ADAMTS9: variants seen among roughly 807,000 people sequenced by gnomAD.
ADAMTS9 encodes A disintegrin and metalloproteinase with thrombospondin motifs 9.
ADAMTS9 carries 107 observed loss-of-function variants against 257.1 expected under a neutral mutation model. The observed-to-expected ratio is 0.42, with a 90% confidence interval of 0.36 to 0.49. ADAMTS9 has a LOEUF of 0.49. Ranked by LOEUF, ADAMTS9 falls within the 20% of genes least tolerant of loss-of-function variation. The pLI, the probability that ADAMTS9 is intolerant of heterozygous loss-of-function variation, is 0.03. For synonymous variants in ADAMTS9, 982 were observed against 880.9 expected (o/e 1.11, Z -2.03); for missense variants, 2,353 against 2,469.1 (o/e 0.95, Z 1.00).
At position 64,686,856 on chromosome 3, in the gene ADAMTS9, A is replaced by C. The variant is rs1425902592; in HGVS notation, c.228T>G (p.Ile76Met). The change falls in exon 2 of 40, where the codon ATT (isoleucine) becomes ATG (methionine). Residue 76 changes from isoleucine (I) to methionine (M), a missense_variant. Ile to Met is a conservative substitution (Grantham distance 10, BLOSUM62 1). This residue lies in a region of ADAMTS9 where 591 missense variants were observed against 569.6 expected (regional missense o/e 1.04). Transcript: ENST00000498707. The surrounding 1 kb of genome is among the most constrained non-coding windows in gnomAD (Gnocchi z 4.6). ...NVHFKRTRRS[I>M]NSATDPWPAF... ...CAGGCCAGGGGTCAGTGGCAGAGTT[A>C]ATGCTCCGTCGCGTTCTTTTGAAGT... 1 of 1,614,046 alleles carries C rather than the reference A, an allele frequency of 6.2e-7. No homozygotes were observed. Among genetic ancestry groups the C allele is most frequent in the Admixed American group, 1.7e-5 (1 of 60,000 alleles).
chr3:64,678,405 T>C (rs1576187569), intron 3 of ADAMTS9, among the ~76,000 whole-genome samples: 1 of 152,340 alleles, frequency 6.6e-6, no homozygotes, highest in South Asian at 2.1e-4. Context: ...AACCCAACTT[T>C]AGCAGTGACT....
intron 3 of ADAMTS9, among the ~76,000 whole-genome samples, chr3:64,660,890 G>A (rs1701204997): frequency 6.6e-6 from 1 of 152,172 alleles, no homozygotes; most frequent in South Asian, 2.1e-4. Context: ...GTGAAATTGT[G>A]AAGAATGAAA....
At chr3:64,672,693 A>G (rs1701523712) in intron 3 of ADAMTS9, among the ~76,000 whole-genome samples, 2 of 152,052 alleles carry the variant, frequency 1.3e-5, no homozygotes, top group Admixed American at 1.3e-4. Flanking sequence ...CAACAACAAC[A>G]ACAAAGGTTT....
intron 26 of ADAMTS9, 104 bp downstream of exon 26, chr3:64,601,840 C>T (rs961749380): frequency 2.5e-5 from 34 of 1,359,922 alleles, no homozygotes; most frequent in Non-Finnish European, 3.3e-5. Flanking sequence ...CAATGTCAAT[C>T]CCTTGTAAAG....
intron 2 of ADAMTS9, among the ~76,000 whole-genome samples, chr3:64,683,633 G>C (rs1446506485): frequency 6.6e-6 from 1 of 151,602 alleles, no homozygotes; most frequent in Admixed American, 6.6e-5. Context: ...TTAATAGTAA[G>C]AGCTCAATAA....
intron 3 of ADAMTS9, among the ~76,000 whole-genome samples, chr3:64,678,239 A>G (rs944616129): frequency 3.3e-5 from 5 of 152,198 alleles, no homozygotes; most frequent in African/African-American, 1.2e-4. Context: ...TTATCTGCAC[A>G]GAATTAGATT....
At chr3:64,540,994 G>A (rs78693967) in intron 36 of ADAMTS9, 101 bp downstream of exon 36, 1 of 1,432,200 alleles carries the variant, frequency 7.0e-7, no homozygotes, top group East Asian at 2.3e-5. Context: ...AATGTGCAAT[G>A]TGCAATACGC....
chr3:64,583,322 C>T (rs2084051469), intron 28 of ADAMTS9: 1 of 152,172 alleles, frequency 6.6e-6, no homozygotes. Context: ...TCAGCTCATC[C>T]TTGAAAACCT....
At chr3:64,639,547 G>C (rs1023040788) in intron 12 of ADAMTS9, among the ~76,000 whole-genome samples, 2 of 136,648 alleles carry the variant, frequency 1.5e-5, no homozygotes, top group African/African-American at 5.9e-5. Flanking sequence ...AATTGCTCAA[G>C]ACTTAACAAA....
At chr3:64,519,743 A>G (rs1000696367) in intron 39 of ADAMTS9, among the ~76,000 whole-genome samples, 3 of 152,204 alleles carry the variant, frequency 2.0e-5, no homozygotes, top group Non-Finnish European at 2.9e-5. Context: ...ATAAAATCCA[A>G]CATCCCTTCA....
intron 3 of ADAMTS9, among the ~76,000 whole-genome samples, chr3:64,659,346 T>C (rs1165792209): frequency 6.6e-6 from 1 of 151,942 alleles, no homozygotes; most frequent in Non-Finnish European, 1.5e-5. Flanking sequence ...TACACGTCTG[T>C]AATCCCAACT....
intron 22 of ADAMTS9, 136 bp from the exon 23 acceptor site, chr3:64,607,215 G>A (rs959579064): frequency 5.1e-5 from 55 of 1,085,436 alleles, no homozygotes; most frequent in Non-Finnish European, 6.2e-5. Flanking sequence ...AAACTAGGTC[G>A]AAGTGGGCAA....
In ADAMTS9 at chr3:64,607,007, C is replaced by T. The variant is rs748997127; in HGVS notation, c.3427G>A (p.Val1143Ile). ...KCIIGTYMSV[V>I]DDNDCNAATR... ...GCTGCATTACAGTCATTGTCATCTA[C>T]CACTGACATATAAGTCCCAATGATG... Residue 1143 changes from valine (V) to isoleucine (I), a missense_variant, in exon 23 of 40, where the codon GTA becomes ATA. Val to Ile is a conservative substitution (Grantham distance 29). Coordinates refer to ENST00000498707, the MANE Select transcript of ADAMTS9 (RefSeq NM_182920.2). The T allele has an allele frequency of 1.5e-4, 236 of 1,613,734 alleles. No homozygotes were observed. Among genetic ancestry groups the T allele is most frequent in the Non-Finnish European group, 2.0e-4 (236 of 1,179,806 alleles).
Position 64,533,166 on chromosome 3 carries a change from C to T in ADAMTS9, c.5718G>A (p.Pro1906=). ...NYAVSDIKKS[P]DGTRVVGKCG... The stretch of plus-strand genomic sequence containing the variant: ...TCCCAACCCATCTGTAGAACCTTAC[C>T]GGCGACTTCTTGATGTCAGAGACAG... Residue 1906 remains proline (P), a splice_region_variant and synonymous_variant, in exon 38 of 40, where the codon CCG becomes CCA. Coordinates refer to ENST00000498707, the MANE Select transcript of ADAMTS9 (RefSeq NM_182920.2). The T allele has an allele frequency of 6.2e-6, 10 of 1,611,156 alleles. No individual in the cohort carries two copies. The highest frequency in any genetic ancestry group is 3.3e-5 in the South Asian group (3 of 90,906).
At chr3:64,679,348 C>T (rs1300169555) in intron 3 of ADAMTS9, among the ~76,000 whole-genome samples, 1 of 152,126 alleles carries the variant, frequency 6.6e-6, no homozygotes, top group Non-Finnish European at 1.5e-5. Flanking sequence ...GACAGAGAAA[C>T]ATGGGTCATC....
chr3:64,522,083 C>T, intron 39 of ADAMTS9, 83 bp downstream of exon 39: 1 of 1,201,186 alleles, frequency 8.3e-7, no homozygotes, highest in East Asian at 2.4e-5. Flanking sequence ...GTAACCCTGC[C>T]TGATCCTCCC....
chr3:64,656,644 G>C (rs1185457468), intron 4 of ADAMTS9, among the ~76,000 whole-genome samples: 1 of 152,136 alleles, frequency 6.6e-6, no homozygotes, highest in African/African-American at 2.4e-5. Context: ...GGAGAGAACT[G>C]AAATTAAGAG....
intron 37 of ADAMTS9, among the ~76,000 whole-genome samples, chr3:64,538,227 GATGA>G (rs1167530423): frequency 6.6e-6 from 1 of 152,242 alleles, no homozygotes; most frequent in East Asian, 1.9e-4. Context: ...TTTCTCAAGG[GATGA>G]ATGTTTGTGA....
At chr3:64,555,092 T>C (rs1278022801) in intron 30 of ADAMTS9, among the ~76,000 whole-genome samples, 2 of 152,222 alleles carry the variant, frequency 1.3e-5, no homozygotes, top group African/African-American at 4.8e-5. Context: ...TTGTCTTCTC[T>C]AGTGCTGGGT....
Sources: gnomAD v4.1 joint callset for allele counts (sites outside exome capture counted in the v4.1 genomes callset) on GRCh38, gnomAD v4.1.1 for gene constraint, gnomAD v4.1.1 regional missense constraint, Gnocchi (gnomAD v3.1) non-coding constraint, MANE v1.5 for transcripts, NCBI Gene and HGNC (gene_info 2026-07-23, HGNC 2026-07-21) for gene names.